Variants in DHX9 observed in about 807,000 individuals in gnomAD.
The protein encoded by DHX9 is ATP-dependent RNA helicase A.
A neutral mutation model predicts 148.7 loss-of-function variants in DHX9; 27 were observed. The observed-to-expected ratio is 0.18, with a 90% CI of 0.13 to 0.25. The LOEUF is 0.25. Among genes scored for constraint, DHX9 ranks in the 10% least tolerant of loss-of-function variants. The pLI, the probability that DHX9 is intolerant of heterozygous loss-of-function variation, is 1.00. For missense variants in DHX9, 796 were observed against 1,559.6 expected (o/e 0.51, Z 8.25); for synonymous variants, 529 against 516.6 (o/e 1.02, Z -0.33).
chr1:182,851,733 A>C (rs1295306137), intron 3 of DHX9, among the ~76,000 whole-genome samples: 3 of 152,204 alleles, frequency 2.0e-5, no homozygotes, highest in East Asian at 3.8e-4. Context: ...AAAACCCTGT[A>C]ATTAAACTTT....
At chr1:182,840,727 C>T (rs554657783) in intron 1 of DHX9, among the ~76,000 whole-genome samples, 2 of 151,652 alleles carry the variant, frequency 1.3e-5, no homozygotes, top group African/African-American at 2.4e-5. Context: ...AAAATAGTTC[C>T]ATTTAGATGA....
At chr1:182,862,164 C>G (rs1439848640) in intron 12 of DHX9, among the ~76,000 whole-genome samples, 1 of 152,194 alleles carries the variant, frequency 6.6e-6, no homozygotes, top group Non-Finnish European at 1.5e-5. Flanking sequence ...TTGTAGCCAT[C>G]TATAGGAAAC....
intron 9 of DHX9, 32 bp from the exon 10 acceptor site, chr1:182,858,701 A>AT: frequency 6.2e-7 from 1 of 1,612,906 alleles, no homozygotes; most frequent in Non-Finnish European, 8.5e-7. Context: ...AGCAAATCAT[A>AT]TTTTTTGTTT....
At chr1:182,875,615 T>A (rs1169778194) in intron 16 of DHX9, among the ~76,000 whole-genome samples, 5 of 152,042 alleles carry the variant, frequency 3.3e-5, no homozygotes, top group Admixed American at 1.3e-4. Context: ...CCTAAGATTA[T>A]ATCTTTTTAA....
Position 182,887,746 on chromosome 1 carries a change from C to T in DHX9, c.*312C>T, listed in dbSNP as rs578132901. On this transcript the variant is annotated 3_prime_UTR_variant, in exon 28 of 28. Transcript: ENST00000367549. Reference sequence around the variant, plus strand: ...TACAATAGAAAATAAAGTATTACACCGAATACTTGCCGTGTAGTTTGTTTG... The same window carrying T: ...TACAATAGAAAATAAAGTATTACACTGAATACTTGCCGTGTAGTTTGTTTG... 2.3e-3 allele frequency: 577 copies of T among 250,852 alleles called. 4 individuals are homozygous for T. The highest frequency in any genetic ancestry group is 3.7e-3 in the Non-Finnish European group (470 of 128,262). The allele number at this position is 250,852 out of a possible 1,614,324, so 15.5% of individuals were successfully genotyped here.
At position 182,843,283 on chromosome 1, in the gene DHX9, T is replaced by C; in HGVS notation, c.112-11T>C. 6.4e-7 allele frequency: 1 copy of C among 1,554,528 alleles called. No homozygotes were observed. The highest frequency in any genetic ancestry group is 8.6e-7 in the Non-Finnish European group (1 of 1,160,040). ...AGGTCAGTCTCTTAGTACTTTTTTTTTTTTTTAAAGGTTCAGGTGGAAGGT... is the reference window on the plus strand; with the variant it reads ...AGGTCAGTCTCTTAGTACTTTTTTTCTTTTTTAAAGGTTCAGGTGGAAGGT... On this transcript the variant is annotated splice_polypyrimidine_tract_variant and intron_variant, in intron 2 of 27. Coordinates refer to ENST00000367549, the MANE Select transcript of DHX9 (RefSeq NM_001357.5).
At chr1:182,881,928 A>AT (rs1160849631) in intron 24 of DHX9, among the ~76,000 whole-genome samples, 1 of 152,190 alleles carries the variant, frequency 6.6e-6, no homozygotes, top group African/African-American at 2.4e-5. Flanking sequence ...CGGTGTACAG[A>AT]TGATTAAAGG....
rs1257755779 is a variant in DHX9 at position 182,887,863 on chromosome 1, AAGTGATACTACTTGT to A, written c.*431_*445del. 10 of 175,316 alleles carry A rather than the reference AAGTGATACTACTTGT, an allele frequency of 5.7e-5. No homozygotes were observed. Among genetic ancestry groups the A allele is most frequent in the Non-Finnish European group, 1.3e-4 (10 of 79,982 alleles). The allele number at this position is 175,316 out of a possible 1,614,324, so 10.9% of individuals were successfully genotyped here. On this transcript the variant is annotated 3_prime_UTR_variant, in exon 28 of 28. Transcript: ENST00000367549. ...TTGTACCCTGTTTCAAAAGTATACT[AAGTGATACTACTTGT>A]AATAGAATAAATCATCTTGGAATTG...
At position 182,876,108 on chromosome 1, in the gene DHX9, C is replaced by A; in HGVS notation, c.1874C>A (p.Ser625Tyr). The A allele has an allele frequency of 6.2e-7, 1 of 1,613,970 alleles. No homozygotes were observed. Among genetic ancestry groups the A allele is most frequent in the East Asian group, 2.2e-5 (1 of 44,866 alleles). Residue 625 changes from serine (S) to tyrosine (Y), a missense_variant, in exon 17 of 28, where the codon TCT becomes TAT. Ser to Tyr is a moderately radical substitution (Grantham distance 144). Transcript: ENST00000367549. Reference protein sequence around the residue: ...EYGPETRLSMSQLNEKETPFE... With the variant: ...EYGPETRLSMYQLNEKETPFE... Reference sequence around the variant, plus strand: ...GGTCCAGAAACAAGGTTGAGCATGTCTCAATTGAACGAAAAGGAAACTCCT... The same window carrying A: ...GGTCCAGAAACAAGGTTGAGCATGTATCAATTGAACGAAAAGGAAACTCCT...
At chr1:182,846,099 A>G (rs1419169705) in intron 3 of DHX9, among the ~76,000 whole-genome samples, 2 of 152,140 alleles carry the variant, frequency 1.3e-5, no homozygotes, top group Non-Finnish European at 2.9e-5. Flanking sequence ...GGTTCTGGTG[A>G]CCATCCCCCC....
chr1:182,857,137 G>A (rs1668265928), intron 7 of DHX9, among the ~76,000 whole-genome samples: 1 of 152,158 alleles, frequency 6.6e-6, no homozygotes, highest in Non-Finnish European at 1.5e-5. Flanking sequence ...GTGAGCCACT[G>A]TGCCTGGTCT....
At chr1:182,862,177 C>A (rs1357232921) in intron 12 of DHX9, among the ~76,000 whole-genome samples, 4 of 152,202 alleles carry the variant, frequency 2.6e-5, no homozygotes, top group African/African-American at 9.7e-5. Flanking sequence ...TAGGAAACCA[C>A]ATGAAGTCAT....
At position 182,852,224 on chromosome 1, in the gene DHX9, C is replaced by A. The variant is rs1298847676; in HGVS notation, c.253-9C>A. On this transcript the variant is annotated splice_polypyrimidine_tract_variant and intron_variant, in intron 3 of 27. Coordinates refer to ENST00000367549, the MANE Select transcript of DHX9 (RefSeq NM_001357.5). ...GCACTGACAGCTGCCTTGACTTTTT[C>A]TTTTGCAGGTAGCATCTCCGCCCCC... 1 of 1,591,712 alleles carries A rather than the reference C, an allele frequency of 6.3e-7. No individual in the cohort carries two copies. The highest frequency in any genetic ancestry group is 1.8e-5 in the Admixed American group (1 of 55,140).
At chr1:182,872,315 T>C (rs1648585683) in intron 14 of DHX9, 22 bp from the exon 15 acceptor site, 1 of 1,590,964 alleles carries the variant, frequency 6.3e-7, no homozygotes, top group Admixed American at 1.8e-5. Flanking sequence ...ATTTCAAAAA[T>C]TTTGTGTTTG....
chr1:182,874,718 G>T (rs1648686568), intron 15 of DHX9, 136 bp from the exon 16 acceptor site: 11 of 682,216 alleles, frequency 1.6e-5, no homozygotes, highest in Non-Finnish European at 5.2e-6. Flanking sequence ...ATTGCTACTG[G>T]AACTTTTTGG....
rs986079890 is a variant in DHX9, at chr1:182,849,802, C to CT, written c.253-2422dup. On this transcript the variant is annotated intron_variant, in intron 3 of 27. Coordinates refer to ENST00000367549, the MANE Select transcript of DHX9 (RefSeq NM_001357.5). The stretch of plus-strand genomic sequence containing the variant: ...TGTACTGCCTCTACATATATCTTCC[C>CT]TTTTTTTTTAATTGGATTCTTGGTC... 4.0e-5 allele frequency among the ~76,000 whole-genome samples: 6 copies of CT among 150,638 alleles called. No individual in the cohort carries two copies. In the South Asian group the frequency reaches 6.3e-4, roughly 16 times the overall value.
chr1:182,863,910 CGCCT>C (rs1344932959), intron 12 of DHX9, among the ~76,000 whole-genome samples: 3 of 152,016 alleles, frequency 2.0e-5, no homozygotes, highest in African/African-American at 7.3e-5. Context: ...TGGTGGCTCA[CGCCT>C]GTAATTACAG....
At chr1:182,853,268 G>A (rs1430881354) in intron 4 of DHX9, 38 bp from the exon 5 acceptor site, 45 of 1,432,608 alleles carry the variant, frequency 3.1e-5, no homozygotes, top group Non-Finnish European at 4.1e-5. Flanking sequence ...TTTTTCTACA[G>A]TTATGACTCA....
rs59218081 is a variant in DHX9, at chr1:182,868,520, C to CTTTTTTTT, written c.1557+1484_1557+1491dup. Reference sequence around the variant, plus strand: ...GATAATCTAACACTTATTTTAATTCCTTTTTTTTTTTTTTGAGGAGTCTTG... The same window carrying CTTTTTTTT: ...GATAATCTAACACTTATTTTAATTCCTTTTTTTTTTTTTTTTTTTTTTGAGGAGTCTTG... On this transcript the variant is annotated intron_variant, in intron 14 of 27. Transcript: ENST00000367549. Among the ~76,000 whole-genome samples, 339 of 127,486 alleles carry CTTTTTTTT rather than the reference C, an allele frequency of 2.7e-3. 19 individuals are homozygous for CTTTTTTTT. Among genetic ancestry groups the CTTTTTTTT allele is most frequent in the African/African-American group, 0.011 (314 of 27,840 alleles). The allele number at this position is 127,486 out of a possible 152,430, so 83.6% of individuals were successfully genotyped here.
Sources: allele counts gnomAD v4.1 joint callset (sites outside exome capture counted in the v4.1 genomes callset), GRCh38; gene constraint gnomAD v4.1.1; transcripts MANE v1.5; gene names NCBI Gene and HGNC (gene_info 2026-07-23, HGNC 2026-07-21).